The following GRID2 variants were observed in gnomAD, a reference collection of about 807,000 sequenced individuals.
GRID2 encodes the protein glutamate ionotropic receptor delta type subunit 2, also known as glutamate receptor ionotropic, delta-2.
Under a neutral mutation model 114.8 loss-of-function variants are expected in GRID2, and 33 were observed. That is an observed-to-expected ratio of 0.29 (90% CI 0.22 to 0.38). The LOEUF (loss-of-function observed/expected upper bound fraction) is 0.38, where lower values mean the gene tolerates loss of function less well. GRID2 is among the 10% of genes least tolerant of loss of function. The pLI is 1.00. For missense variants in GRID2, 1,184 were observed against 1,257.7 expected, an observed-to-expected ratio of 0.94 and a Z score of 0.89; for synonymous variants, 505 against 449.9, an observed-to-expected ratio of 1.12 and a Z score of -1.55.
At chr4:93,306,923 C>T (rs905940646) in intron 8 of GRID2, among the ~76,000 whole-genome samples, 1 of 152,008 alleles carries the variant, frequency 6.6e-6, no homozygotes. Flanking sequence ...TGGGGCCAGG[C>T]GCGGTGGCTC....
At chr4:93,037,383 A>T (rs986354148) in intron 2 of GRID2, among the ~76,000 whole-genome samples, 1 of 152,136 alleles carries the variant, frequency 6.6e-6, no homozygotes, top group South Asian at 2.1e-4. Flanking sequence ...ATCCCATTCT[A>T]TAAGTTGCCT....
At chr4:93,171,100 A>G (rs1454479849) in intron 4 of GRID2, among the ~76,000 whole-genome samples, 2 of 152,216 alleles carry the variant, frequency 1.3e-5, no homozygotes, top group African/African-American at 2.4e-5. Flanking sequence ...CAGGTTTCCT[A>G]TCTCACTTGT....
intron 1 of GRID2, among the ~76,000 whole-genome samples, chr4:92,313,467 G>C (rs1373074244): frequency 2.0e-5 from 3 of 151,420 alleles, no homozygotes; most frequent in African/African-American, 7.3e-5. Context: ...CAATAACTTA[G>C]GGAAAAGTAA....
chr4:92,382,382 A>G (rs529188455), intron 1 of GRID2, among the ~76,000 whole-genome samples: 2 of 152,134 alleles, frequency 1.3e-5, no homozygotes, highest in East Asian at 3.9e-4. Flanking sequence ...TAGAACCAAG[A>G]CTATAGTGTG....
At chr4:92,326,102 A>G (rs529435244) in intron 1 of GRID2, among the ~76,000 whole-genome samples, 1 of 151,968 alleles carries the variant, frequency 6.6e-6, no homozygotes, top group South Asian at 2.1e-4. Flanking sequence ...TGGCAGTTTT[A>G]CATACTGGAA....
intron 8 of GRID2, among the ~76,000 whole-genome samples, chr4:93,247,821 G>A (rs977135311): frequency 1.3e-5 from 2 of 151,924 alleles, no homozygotes; most frequent in Non-Finnish European, 2.9e-5. Context: ...ATCTTACCAC[G>A]TTTGAGGGAA....
intron 9 of GRID2, among the ~76,000 whole-genome samples, chr4:93,403,006 G>A (rs981289508): frequency 1.3e-5 from 2 of 152,110 alleles, no homozygotes; most frequent in Non-Finnish European, 2.9e-5. Flanking sequence ...GAACCTGGAG[G>A]CAAGGTTAGG....
At chr4:92,338,386 A>G (rs1055973223) in intron 1 of GRID2, among the ~76,000 whole-genome samples, 2 of 152,294 alleles carry the variant, frequency 1.3e-5, no homozygotes, top group East Asian at 1.9e-4. Context: ...TTGCATTCGT[A>G]TAATTTTGGG....
At chr4:92,754,130 A>T (rs1040165038) in intron 2 of GRID2, among the ~76,000 whole-genome samples, 21 of 152,280 alleles carry the variant, frequency 1.4e-4, no homozygotes, top group African/African-American at 4.6e-4. Context: ...CAGATCCCTT[A>T]ATTACTTGCC....
At chr4:93,311,544 CA>C (rs1157233843) in intron 8 of GRID2, among the ~76,000 whole-genome samples, 1 of 152,128 alleles carries the variant, frequency 6.6e-6, no homozygotes, top group African/African-American at 2.4e-5. Flanking sequence ...AAAAATGAGG[CA>C]GGGATTACTT....
intron 2 of GRID2, among the ~76,000 whole-genome samples, chr4:92,886,417 G>T (rs914188682): frequency 6.6e-6 from 1 of 151,958 alleles, no homozygotes; most frequent in Non-Finnish European, 1.5e-5. Context: ...TAGATGCAGG[G>T]TTGCCAAAAA....
chr4:93,711,132 A>G (rs1173105024), intron 14 of GRID2, among the ~76,000 whole-genome samples: 1 of 151,772 alleles, frequency 6.6e-6, no homozygotes, highest in Non-Finnish European at 1.5e-5. Flanking sequence ...TTTTTTGTCA[A>G]GTAGAAGGAG....
chr4:92,709,902 C>T (rs1037304973), intron 2 of GRID2, among the ~76,000 whole-genome samples: 1 of 151,848 alleles, frequency 6.6e-6, no homozygotes, highest in Non-Finnish European at 1.5e-5. Flanking sequence ...AATTTAAGGT[C>T]TCCAAAAAGT....
intron 4 of GRID2, among the ~76,000 whole-genome samples, chr4:93,138,066 G>A (rs369077919): frequency 2.9e-5 from 4 of 137,146 alleles, no homozygotes; most frequent in South Asian, 2.4e-4. Context: ...TCCACCTCCC[G>A]TGCTCAAACC....
At chr4:92,529,697 T>C (rs1725234420) in intron 1 of GRID2, among the ~76,000 whole-genome samples, 1 of 152,068 alleles carries the variant, frequency 6.6e-6, no homozygotes, top group East Asian at 1.9e-4. Context: ...TAATGAGGTG[T>C]TAAAGGATTT....
intron 1 of GRID2, among the ~76,000 whole-genome samples, chr4:92,427,211 C>A (rs1326732491): frequency 6.6e-6 from 1 of 152,046 alleles, no homozygotes; most frequent in African/African-American, 2.4e-5. Flanking sequence ...ATCTTGTATT[C>A]TTTCATATTG....
chr4:92,417,552 T>A (rs2110316337), intron 1 of GRID2, among the ~76,000 whole-genome samples: 1 of 152,258 alleles, frequency 6.6e-6, no homozygotes, highest in Non-Finnish European at 1.5e-5. Flanking sequence ...AGGCACAATA[T>A]CATCGCTATT....
chr4:92,332,869 G>A (rs1242142715), intron 1 of GRID2, among the ~76,000 whole-genome samples: 1 of 152,198 alleles, frequency 6.6e-6, no homozygotes, highest in Non-Finnish European at 1.5e-5. Flanking sequence ...GGAAAACTGG[G>A]GTGGGGTTGG....
At chr4:93,333,752 A>C (rs571478371) in intron 8 of GRID2, among the ~76,000 whole-genome samples, 2 of 152,310 alleles carry the variant, frequency 1.3e-5, no homozygotes, top group South Asian at 4.1e-4. Context: ...GCAAAGAAAC[A>C]TCCCTGGCTT....
Sources: allele counts gnomAD v4.1 joint callset (sites outside exome capture counted in the v4.1 genomes callset), GRCh38; gene constraint gnomAD v4.1.1; transcripts MANE v1.5; gene names NCBI Gene and HGNC (gene_info 2026-07-23, HGNC 2026-07-21).